Variants in MBD5 observed in about 807,000 individuals in gnomAD.
MBD5 encodes methyl-CpG binding domain protein 5, also known as methyl-CpG-binding domain protein 5.
Under a neutral mutation model 117.3 loss-of-function variants are expected in MBD5, and 13 were observed. That is an observed-to-expected ratio of 0.11 (90% CI 0.07 to 0.18). The LOEUF (loss-of-function observed/expected upper bound fraction) is 0.18, where lower values mean the gene tolerates loss of function less well. Ranked by LOEUF, MBD5 falls within the 10% of genes least tolerant of loss-of-function variation. The pLI, the probability that MBD5 is intolerant of heterozygous loss-of-function variation, is 1.00. For synonymous variants in MBD5, 727 were observed against 766.4 expected (o/e 0.95, Z 0.85); for missense variants, 1,879 against 2,093.8 (o/e 0.90, Z 2.00).
chr2:148,049,716 G>A (rs1488702898), intron 1 of MBD5, among the ~76,000 whole-genome samples: 1 of 152,026 alleles, frequency 6.6e-6, no homozygotes, highest in Non-Finnish European at 1.5e-5. Context: ...TAACTTCCAA[G>A]TACCTCCCTC....
intron 3 of MBD5, among the ~76,000 whole-genome samples, chr2:148,293,147 CAAA>C (rs35179123): frequency 4.7e-5 from 4 of 84,916 alleles, no homozygotes; most frequent in Admixed American, 2.6e-4. Flanking sequence ...AACCTTGCCT[CAAA>C]AAAAAAAAAA....
At chr2:148,055,038 T>C (rs1323227557) in intron 1 of MBD5, 1 of 152,240 alleles carries the variant, frequency 6.6e-6, no homozygotes, top group Admixed American at 6.5e-5. Flanking sequence ...AATATATTTT[T>C]ATATGTATAT....
At chr2:148,023,512 T>G (rs1185549353) in intron 1 of MBD5, among the ~76,000 whole-genome samples, 1 of 152,214 alleles carries the variant, frequency 6.6e-6, no homozygotes, top group Non-Finnish European at 1.5e-5. Flanking sequence ...ATGTAATTAG[T>G]GCACTTAAGC....
intron 12 of MBD5, among the ~76,000 whole-genome samples, chr2:148,506,150 A>T (rs1682023854): frequency 6.6e-6 from 1 of 152,236 alleles, no homozygotes; most frequent in African/African-American, 2.4e-5. Flanking sequence ...ATCAAACTGT[A>T]CAACAAATAA....
rs190517747 is a variant in MBD5 at position 148,120,036 on chromosome 2, C to T, written c.-924-58664C>T. Among the ~76,000 whole-genome samples the T allele has an allele frequency of 1.8e-4, 27 of 152,174 alleles. No homozygotes were observed. In the East Asian group the frequency reaches 3.9e-3, roughly 22 times the overall value. On this transcript the variant is annotated intron_variant, in intron 1 of 13. Transcript: ENST00000642680. ...GGCTCAAGCCATCCTCTAATCTCAGCCCCCTAAGTATCTGGGACTACAGGC... is the reference window on the plus strand; with the variant it reads ...GGCTCAAGCCATCCTCTAATCTCAGTCCCCTAAGTATCTGGGACTACAGGC...
At chr2:148,294,870 T>A (rs1241407404) in intron 3 of MBD5, among the ~76,000 whole-genome samples, 1 of 152,194 alleles carries the variant, frequency 6.6e-6, no homozygotes, top group Non-Finnish European at 1.5e-5. Flanking sequence ...TTTGTTTATA[T>A]CATCCCTCTG....
intron 3 of MBD5, among the ~76,000 whole-genome samples, chr2:148,294,500 A>AGTTTTTTTTTTTTT (rs1202949593): frequency 2.3e-4 from 2 of 8,710 alleles, no homozygotes; most frequent in African/African-American, 5.2e-4. Context: ...CTGGGATTAC[A>AGTTTTTTTTTTTTT]GTTTTTTTTT....
chr2:148,474,999 G>A (rs1460072204), intron 8 of MBD5, among the ~76,000 whole-genome samples: 3 of 152,114 alleles, frequency 2.0e-5, no homozygotes, highest in Admixed American at 2.0e-4. Context: ...GGATAAAAAT[G>A]CTCAAGGGTG....
intron 4 of MBD5, chr2:148,346,623 A>T (rs1488673761): frequency 2.6e-5 from 4 of 151,878 alleles, no homozygotes; most frequent in African/African-American, 9.7e-5. Context: ...AAGTTCTTTT[A>T]TGAATGTCCC....
intron 1 of MBD5, among the ~76,000 whole-genome samples, chr2:148,074,479 AGTTTGTTTTTTTTTT>A (rs1007054783): frequency 3.0e-5 from 4 of 133,962 alleles, no homozygotes; most frequent in East Asian, 4.6e-4. Context: ...TCAAAGGAAT[AGTTTGTTTTTTTTTT>A]GTTTTTTTTT....
intron 3 of MBD5, among the ~76,000 whole-genome samples, chr2:148,324,498 C>T (rs1305974045): frequency 6.6e-6 from 1 of 152,114 alleles, no homozygotes; most frequent in African/African-American, 2.4e-5. Context: ...TTGTTTGTAT[C>T]CTCTTTTATT....
At chr2:148,425,582 A>G (rs543441711) in intron 4 of MBD5, among the ~76,000 whole-genome samples, 14 of 152,296 alleles carry the variant, frequency 9.2e-5, no homozygotes, top group African/African-American at 3.4e-4. Context: ...AGACACAACA[A>G]AAAAAGAAAA....
intron 3 of MBD5, among the ~76,000 whole-genome samples, chr2:148,287,204 G>C (rs576237766): frequency 7.2e-5 from 11 of 152,036 alleles, no homozygotes; most frequent in Non-Finnish European, 1.5e-4. Flanking sequence ...TTTGTGATGT[G>C]AGTAGTGTTC....
intron 1 of MBD5, among the ~76,000 whole-genome samples, chr2:148,038,854 A>C (rs576506275): frequency 4.6e-5 from 7 of 152,046 alleles, no homozygotes; most frequent in African/African-American, 7.2e-5. Context: ...TTGTTTCAAA[A>C]ATATATATTA....
At chr2:148,144,255 G>C (rs1237430753) in intron 1 of MBD5, among the ~76,000 whole-genome samples, 1 of 151,780 alleles carries the variant, frequency 6.6e-6, no homozygotes, top group African/African-American at 2.4e-5. Context: ...CTTTTGAGAA[G>C]TGTCTGTTCA....
chr2:148,401,808 A>G (rs1486683078), intron 4 of MBD5, among the ~76,000 whole-genome samples: 1 of 152,124 alleles, frequency 6.6e-6, no homozygotes, highest in African/African-American at 2.4e-5. Flanking sequence ...GATCCAATCC[A>G]GGATCCCACG....
At chr2:148,224,271 G>A (rs183029392) in intron 2 of MBD5, among the ~76,000 whole-genome samples, 1 of 152,230 alleles carries the variant, frequency 6.6e-6, no homozygotes, top group East Asian at 1.9e-4. Flanking sequence ...TTGCTTTGTT[G>A]ATTTCTCCAT....
chr2:148,029,896 A>G (rs1055951131), intron 1 of MBD5, among the ~76,000 whole-genome samples: 2 of 152,350 alleles, frequency 1.3e-5, no homozygotes, highest in East Asian at 3.9e-4. Flanking sequence ...ATGGAAAATC[A>G]TATTAAATCT....
chr2:148,318,427 A>C (rs1261114599), intron 3 of MBD5, among the ~76,000 whole-genome samples: 2 of 151,462 alleles, frequency 1.3e-5, no homozygotes, highest in East Asian at 1.9e-4. Context: ...TTCTCTGTTA[A>C]TTGTTTCTTT....
Sources: allele counts gnomAD v4.1 joint callset (sites outside exome capture counted in the v4.1 genomes callset), GRCh38; gene constraint gnomAD v4.1.1; transcripts MANE v1.5; gene names NCBI Gene and HGNC (gene_info 2026-07-23, HGNC 2026-07-21).